L3HYPDH: variants seen among roughly 807,000 people sequenced by gnomAD.
The protein encoded by L3HYPDH is trans-3-hydroxy-L-proline dehydratase.
A neutral mutation model predicts 26.5 loss-of-function variants in L3HYPDH; 32 were observed. The observed-to-expected ratio is 1.21, with a 90% CI of 0.91 to 1.62. L3HYPDH has a LOEUF of 1.62. L3HYPDH is among the 40% of genes most tolerant of loss of function. The pLI is 0.00. For missense variants in L3HYPDH, 554 were observed against 476.4 expected (o/e 1.16, Z -1.52); for synonymous variants, 215 against 196.6 (o/e 1.09, Z -0.78).
Position 59,480,383 on chromosome 14 carries a change from G to A in L3HYPDH, c.509-1032C>T, listed in dbSNP as rs117343120. The stretch of plus-strand genomic sequence containing the variant: ...CAGTGCAGAGGGCAAGGACCAGGTA[G>A]GGTGGGGCAGCCAATGCTCCTGCTC... On this transcript the variant is annotated intron_variant, in intron 1 of 4. Coordinates refer to ENST00000247194, the MANE Select transcript of L3HYPDH (RefSeq NM_144581.2). Among the ~76,000 whole-genome samples the A allele has an allele frequency of 5.9e-5, 9 of 152,300 alleles. No individual in the cohort carries two copies. The East Asian group carries it at 1.7e-3, about 29-fold the overall frequency.
In L3HYPDH at chr14:59,479,162, G is replaced by A. The variant is rs1311100386; in HGVS notation, c.678+20C>T. On this transcript the variant is annotated intron_variant, in intron 2 of 4. Transcript: ENST00000247194. ...TGCCACAGAGAAGGGAATTGGTTATGAAGGCAGAGTATTACTGACCTGAGC... is the reference window on the plus strand; with the variant it reads ...TGCCACAGAGAAGGGAATTGGTTATAAAGGCAGAGTATTACTGACCTGAGC... 9 of 1,556,288 alleles carry A rather than the reference G, an allele frequency of 5.8e-6. No individual in the cohort carries two copies. Among genetic ancestry groups the A allele is most frequent in the African/African-American group, 1.4e-5 (1 of 71,854 alleles).
downstream of L3HYPDH, among the ~76,000 whole-genome samples, chr14:59,471,957 A>G (rs1566557079): frequency 6.6e-6 from 1 of 152,198 alleles, no homozygotes; most frequent in African/African-American, 2.4e-5. Context: ...CCTTTTGTTC[A>G]GGTAATTAAA....
intron 1 of L3HYPDH, chr14:59,483,369 G>T (rs1049666589): frequency 1.1e-5 from 3 of 279,562 alleles, no homozygotes; most frequent in African/African-American, 6.8e-5. Flanking sequence ...GGGAGGTGAG[G>T]AAAGGAGACC....
intron 4 of L3HYPDH, chr14:59,474,642 T>A: frequency 1.7e-6 from 1 of 590,822 alleles, no homozygotes. Flanking sequence ...TGCTACTCAC[T>A]AACTAACCTC....
chr14:59,473,083 T>A lies in L3HYPDH; in HGVS notation c.947A>T (p.Lys316Ile), dbSNP rs1269426297. The A allele has an allele frequency of 6.3e-7, 1 of 1,591,258 alleles. No individual in the cohort carries two copies. The highest frequency in any genetic ancestry group is 2.3e-5 in the East Asian group (1 of 43,956). Residue 316 changes from lysine (K) to isoleucine (I), a missense_variant, in exon 5 of 5, where the codon AAA becomes ATA. Transcript: ENST00000247194. ...VFTGKAVREA[K>I]CGDFKAVIVE... is the part of the protein sequence containing the mutation. ...TATAACAGCTTTAAAATCACCACAT[T>A]TCGCTTCCTGAAAAAAGATGAAGGG...
the L3HYPDH span, chr14:59,495,239 C>T: frequency 1.9e-3 from 2,955 of 1,532,406 alleles, 39 homozygotes; most frequent in African/African-American, 0.034. Context: ...GTGTTTATTT[C>T]GACTTAAGAT....
At chr14:59,492,239 T>C in the L3HYPDH span, among the ~76,000 whole-genome samples, 1 of 151,798 alleles carries the variant, frequency 6.6e-6, no homozygotes, top group Non-Finnish European at 1.5e-5. Flanking sequence ...AATGAAAGTT[T>C]ATACTTGCCA....
At chr14:59,481,757 T>A (rs981271613) in intron 1 of L3HYPDH, among the ~76,000 whole-genome samples, 1 of 152,232 alleles carries the variant, frequency 6.6e-6, no homozygotes, top group African/African-American at 2.4e-5. Context: ...CATATCTCCT[T>A]AAACTACAAA....
At chr14:59,476,320 T>A (rs543345565) in intron 2 of L3HYPDH, 106 bp from the exon 3 acceptor site, 29 of 838,158 alleles carry the variant, frequency 3.5e-5, no homozygotes, top group Admixed American at 8.8e-5. Context: ...TCCTTATCAT[T>A]TTTAAAATAC....
chr14:59,470,502 T>G (rs1040623609), downstream of L3HYPDH, among the ~76,000 whole-genome samples: 6 of 152,182 alleles, frequency 3.9e-5, no homozygotes, highest in Non-Finnish European at 2.9e-5. Flanking sequence ...GAAGAGGAGA[T>G]GGGCCTGGGC....
Position 59,476,146 on chromosome 14 carries a change from T to C in L3HYPDH, c.747A>G (p.Lys249=), listed in dbSNP as rs187699206. The change falls in exon 3 of 5, where the codon AAA becomes AAG. Residue 249 remains lysine (K), a synonymous_variant. Coordinates refer to ENST00000247194, the MANE Select transcript of L3HYPDH (RefSeq NM_144581.2). Reference sequence around the variant, plus strand: ...TGGTTGGTTCCTTGGTATAAGCATCTTTTCCATCTGTTAATATAGTTCCAT... The same window carrying C: ...TGGTTGGTTCCTTGGTATAAGCATCCTTTCCATCTGTTAATATAGTTCCAT... The part of the protein sequence containing the change: ...FLYGTILTDG[K]DAYTKEPTTN... 4.9e-5 allele frequency: 79 copies of C among 1,613,884 alleles called. No individual in the cohort carries two copies. In the African/African-American group the frequency reaches 1.0e-3, roughly 20 times the overall value.
upstream of L3HYPDH, chr14:59,484,564 T>C: frequency 1.3e-6 from 2 of 1,571,190 alleles, no homozygotes; most frequent in Non-Finnish European, 8.6e-7. Flanking sequence ...ATCTAGTGCT[T>C]CTCGAAAAAA....
the L3HYPDH span, chr14:59,505,268 A>T: frequency 1.3e-6 from 2 of 1,509,296 alleles, no homozygotes; most frequent in Non-Finnish European, 1.8e-6. Context: ...TTCTCAGTAC[A>T]TTTAACCACT....
In L3HYPDH at chr14:59,475,858, G is replaced by C; in HGVS notation, c.939+11C>G. Reference sequence around the variant, plus strand: ...CACATTTATAAATAAGAAGCTAAGGGTGCCACTTACCCTCACAGCTTTCCC... The same window carrying C: ...CACATTTATAAATAAGAAGCTAAGGCTGCCACTTACCCTCACAGCTTTCCC... On this transcript the variant is annotated intron_variant, in intron 4 of 4. Transcript: ENST00000247194. 1.2e-6 allele frequency: 2 copies of C among 1,607,306 alleles called. No homozygotes were observed. Among genetic ancestry groups the C allele is most frequent in the Non-Finnish European group, 8.5e-7 (1 of 1,177,824 alleles).
chr14:59,482,985 T>C, intron 1 of L3HYPDH, among the ~76,000 whole-genome samples: 1 of 152,248 alleles, frequency 6.6e-6, no homozygotes, highest in Admixed American at 6.5e-5. Context: ...GTAAGGGTTA[T>C]GGTTATAGAG....
chr14:59,484,777 C>A (rs929598614), upstream of L3HYPDH: 2 of 930,734 alleles, frequency 2.1e-6, no homozygotes, highest in Non-Finnish European at 1.6e-6. Flanking sequence ...CTGTCCGCAA[C>A]GGGCTACTAG....
chr14:59,473,804 T>C (rs1889434132), intron 4 of L3HYPDH, among the ~76,000 whole-genome samples: 1 of 151,448 alleles, frequency 6.6e-6, no homozygotes, highest in African/African-American at 2.4e-5. Flanking sequence ...GTAGAAGAGA[T>C]GAGAAGGAAG....
rs1039872811 is a variant in L3HYPDH, at chr14:59,475,799, C to T, written c.939+70G>A. 5 of 1,422,298 alleles carry T rather than the reference C, an allele frequency of 3.5e-6. No homozygotes were observed. The African/African-American group carries it at 5.8e-5, about 16-fold the overall frequency. The allele number at this position is 1,422,298 out of a possible 1,614,324, so 88.1% of individuals were successfully genotyped here. A position where few individuals can be genotyped will look rare whatever the true frequency, so the allele number is the denominator to read the frequency against. On this transcript the variant is annotated intron_variant, in intron 4 of 4. Coordinates refer to ENST00000247194, the MANE Select transcript of L3HYPDH (RefSeq NM_144581.2). The stretch of plus-strand genomic sequence containing the variant: ...GAGCTGAGTGAAGAAATTTATCAAA[C>T]ACCCAACTCAGGCCTCTCCAGTCTC...
Position 59,484,395 on chromosome 14 carries a change from G to A in L3HYPDH, c.-79C>T. ...CCCTCACCCACTGACTCCGCGGGAG[G>A]AGGGCGGGACGCTAACCAGCCACGT... On this transcript the variant is annotated 5_prime_UTR_variant, in exon 1 of 5. Coordinates refer to ENST00000247194, the MANE Select transcript of L3HYPDH (RefSeq NM_144581.2). 2 of 1,463,902 alleles carry A rather than the reference G, an allele frequency of 1.4e-6. No homozygotes were observed. Among genetic ancestry groups the A allele is most frequent in the Non-Finnish European group, 1.8e-6 (2 of 1,083,678 alleles). The allele number at this position is 1,463,902 out of a possible 1,614,324, so 90.7% of individuals were successfully genotyped here. A position where few individuals can be genotyped will look rare whatever the true frequency, so the allele number is the denominator to read the frequency against.
Sources: gnomAD v4.1 joint callset for allele counts (sites outside exome capture counted in the v4.1 genomes callset) on GRCh38, gnomAD v4.1.1 for gene constraint, MANE v1.5 for transcripts, NCBI Gene and HGNC (gene_info 2026-07-23, HGNC 2026-07-21) for gene names.